WFDC10B: variants seen among roughly 807,000 people sequenced by gnomAD.
The protein encoded by WFDC10B is WAP four-disulfide core domain 10B, also known as protein WFDC10B.
Under a neutral mutation model 2.7 loss-of-function variants are expected in WFDC10B, and 1 was observed. The observed-to-expected ratio is 0.38, with a 90% CI of 0.13 to 1.79. WFDC10B has a LOEUF of 1.79. WFDC10B is among the 40% of genes most tolerant of loss of function. The pLI, the probability that WFDC10B is intolerant of heterozygous loss-of-function variation, is 0.33. For missense variants in WFDC10B, 71 were observed against 87.8 expected, an observed-to-expected ratio of 0.81 and a Z score of 0.76; for synonymous variants, 26 against 32.2, an observed-to-expected ratio of 0.81 and a Z score of 0.65.
intron 2 of WFDC10B, among the ~76,000 whole-genome samples, chr20:45,695,093 G>A (rs577116505): frequency 6.6e-6 from 1 of 152,274 alleles, no homozygotes; most frequent in East Asian, 1.9e-4. Flanking sequence ...AGTTCTGTGA[G>A]CTGTTTCAGC....
intron 2 of WFDC10B, among the ~76,000 whole-genome samples, chr20:45,689,521 C>A (rs1983739110): frequency 6.6e-6 from 1 of 152,034 alleles, no homozygotes; most frequent in South Asian, 2.1e-4. Flanking sequence ...TTTCATTGAG[C>A]AGTGGTTTGT....
At chr20:45,703,475 T>C (rs1316719355) in intron 2 of WFDC10B, among the ~76,000 whole-genome samples, 2 of 152,164 alleles carry the variant, frequency 1.3e-5, no homozygotes, top group Non-Finnish European at 2.9e-5. Context: ...ATTGCAAATA[T>C]TTGCAGAGGA....
intron 2 of WFDC10B, among the ~76,000 whole-genome samples, chr20:45,688,218 G>A (rs1356375842): frequency 6.6e-6 from 1 of 151,782 alleles, no homozygotes; most frequent in African/African-American, 2.4e-5. Context: ...CATTTTTTAT[G>A]GCTGCATAGT....
chr20:45,699,587 G>A (rs1027321745), intron 2 of WFDC10B, among the ~76,000 whole-genome samples: 8 of 152,184 alleles, frequency 5.3e-5, no homozygotes, highest in Admixed American at 1.3e-4. Flanking sequence ...TGTAGGAAAC[G>A]TGCACAGTCA....
In WFDC10B at chr20:45,694,682, T is replaced by C. The variant is rs574272774; in HGVS notation, c.-64-8626A>G. Among the ~76,000 whole-genome samples the C allele has an allele frequency of 2.0e-5, 3 of 152,326 alleles. No individual in the cohort carries two copies. The South Asian group carries it at 6.2e-4, about 32-fold the overall frequency. On this transcript the variant is annotated intron_variant, in intron 2 of 3. Transcript: ENST00000330523. ...AAAACTCTTGGAATTTCCTGAGTGA[T>C]GGGTGTGTCTTTTGATATTCATAAG... is the stretch of plus-strand genomic sequence containing the variant.
At chr20:45,704,644 C>A (rs1488180982) in intron 1 of WFDC10B, 83 bp from the exon 2 acceptor site, 2 of 1,599,874 alleles carry the variant, frequency 1.3e-6, no homozygotes, top group East Asian at 4.5e-5. Flanking sequence ...CTGGTGGGAG[C>A]CCAGCAGAAG....
chr20:45,693,437 C>A (rs1027725222), intron 2 of WFDC10B, among the ~76,000 whole-genome samples: 5 of 152,234 alleles, frequency 3.3e-5, no homozygotes, highest in Admixed American at 6.5e-5. Context: ...AGAGGTGGAG[C>A]CTACAGAGGC....
chr20:45,685,850 T>G, intron 3 of WFDC10B, 52 bp downstream of exon 3: 1 of 1,604,072 alleles, frequency 6.2e-7, no homozygotes, highest in Non-Finnish European at 8.5e-7. Flanking sequence ...ACACAGCTCC[T>G]CCATTCCCCC....
rs2145632740 is a variant in WFDC10B, at chr20:45,684,748, T to C, written c.*82A>G. 1.9e-6 allele frequency: 3 copies of C among 1,552,790 alleles called. No individual in the cohort carries two copies. The highest frequency in any genetic ancestry group is 1.4e-5 in the African/African-American group (1 of 73,510). On this transcript the variant is annotated 3_prime_UTR_variant, in exon 4 of 4. Transcript: ENST00000330523. ...TGATGTTCTTGTGCTGATGATTTGA[T>C]GTCCTTGTGCTTCGGATGTGGGCAC...
At chr20:45,701,342 T>C (rs1396914259) in intron 2 of WFDC10B, among the ~76,000 whole-genome samples, 1 of 152,180 alleles carries the variant, frequency 6.6e-6, no homozygotes, top group Non-Finnish European at 1.5e-5. Context: ...TTGGTTTCAG[T>C]GAGGTCAAAT....
intron 2 of WFDC10B, among the ~76,000 whole-genome samples, chr20:45,696,930 TA>T (rs1292565791): frequency 6.6e-6 from 1 of 151,848 alleles, no homozygotes; most frequent in Non-Finnish European, 1.5e-5. Context: ...CTTCTATAAT[TA>T]AAAAAAATTC....
intron 2 of WFDC10B, among the ~76,000 whole-genome samples, chr20:45,687,094 T>A (rs1983644548): frequency 6.6e-6 from 1 of 152,204 alleles, no homozygotes; most frequent in Admixed American, 6.5e-5. Context: ...TTGCTGCACC[T>A]ATCAACCCAT....
At chr20:45,698,768 A>T (rs1600963126) in intron 2 of WFDC10B, among the ~76,000 whole-genome samples, 1 of 152,082 alleles carries the variant, frequency 6.6e-6, no homozygotes, top group African/African-American at 2.4e-5. Context: ...GGAGTCCAAG[A>T]CCAGCCTCGC....
At chr20:45,699,957 G>A (rs1029214525) in intron 2 of WFDC10B, among the ~76,000 whole-genome samples, 1 of 152,162 alleles carries the variant, frequency 6.6e-6, no homozygotes, top group Non-Finnish European at 1.5e-5. Context: ...GATTACAGGC[G>A]TGAGCCACCG....
At chr20:45,692,438 C>T (rs1313466872) in intron 2 of WFDC10B, among the ~76,000 whole-genome samples, 3 of 152,178 alleles carry the variant, frequency 2.0e-5, no homozygotes, top group African/African-American at 7.2e-5. Context: ...TGTTTTCCAA[C>T]TTGGTTCCAT....
intron 2 of WFDC10B, among the ~76,000 whole-genome samples, chr20:45,688,389 C>T (rs1983701603): frequency 6.6e-6 from 1 of 152,102 alleles, no homozygotes; most frequent in Admixed American, 6.6e-5. Context: ...GGTGTATACC[C>T]AGTAATGGGA....
At chr20:45,695,290 G>A (rs1983943276) in intron 2 of WFDC10B, among the ~76,000 whole-genome samples, 1 of 152,120 alleles carries the variant, frequency 6.6e-6, no homozygotes, top group African/African-American at 2.4e-5. Context: ...TTAAATTTTG[G>A]AACACCCAGT....
intron 2 of WFDC10B, among the ~76,000 whole-genome samples, chr20:45,701,535 G>T (rs539650540): frequency 3.2e-4 from 48 of 152,236 alleles, no homozygotes; most frequent in African/African-American, 1.1e-3. Context: ...GCTGAGGAGG[G>T]CAGATCACCT....
intron 2 of WFDC10B, among the ~76,000 whole-genome samples, chr20:45,692,732 C>G (rs1600957796): frequency 6.6e-6 from 1 of 152,138 alleles, no homozygotes; most frequent in Admixed American, 6.5e-5. Flanking sequence ...ATACATTCGT[C>G]TAAATTTTTT....
Sources: allele counts gnomAD v4.1 joint callset (sites outside exome capture counted in the v4.1 genomes callset), GRCh38; gene constraint gnomAD v4.1.1; transcripts MANE v1.5; gene names NCBI Gene and HGNC (gene_info 2026-07-23, HGNC 2026-07-21).